The following SRBD1 variants were observed in gnomAD, a reference collection of about 807,000 sequenced individuals.
SRBD1 encodes the protein S1 RNA-binding domain-containing protein 1.
SRBD1 carries 88 observed loss-of-function variants against 115.3 expected under a neutral mutation model. That is an observed-to-expected ratio of 0.76 (90% CI 0.64 to 0.91). The LOEUF (loss-of-function observed/expected upper bound fraction) is 0.91, where lower values mean the gene tolerates loss of function less well. Ranked by LOEUF, SRBD1 falls within the 40% of genes least tolerant of loss-of-function variation. The probability of loss-of-function intolerance (pLI) is 0.00; values close to 1 mark genes in which losing one functional copy is unlikely to be tolerated. For missense variants in SRBD1, 1,385 were observed against 1,177.4 expected (o/e 1.18, Z -2.58); for synonymous variants, 509 against 407.7 (o/e 1.25, Z -2.99).
chr2:45,518,289 C>T (rs1292817788), intron 14 of SRBD1, among the ~76,000 whole-genome samples: 1 of 152,180 alleles, frequency 6.6e-6, no homozygotes, highest in East Asian at 1.9e-4. Flanking sequence ...ATATCTGGCT[C>T]TGCTGTGCGA....
At chr2:45,518,563 T>C (rs534587404) in intron 14 of SRBD1, among the ~76,000 whole-genome samples, 29 of 152,310 alleles carry the variant, frequency 1.9e-4, no homozygotes, top group Non-Finnish European at 1.5e-5. Flanking sequence ...CAGCACCTTG[T>C]TACATGGAAA....
intron 9 of SRBD1, chr2:45,568,074 G>A (rs568386848): frequency 6.6e-6 from 1 of 152,210 alleles, no homozygotes; most frequent in African/African-American, 2.4e-5. Flanking sequence ...ACATTGAACA[G>A]GAAATAGGTA....
chr2:45,410,657 A>G (rs1667574591), intron 19 of SRBD1, among the ~76,000 whole-genome samples: 1 of 152,166 alleles, frequency 6.6e-6, no homozygotes, highest in East Asian at 1.9e-4. Flanking sequence ...AGAAAAACCA[A>G]ACAAGTGACT....
intron 10 of SRBD1, among the ~76,000 whole-genome samples, chr2:45,560,590 T>A (rs546625018): frequency 5.3e-5 from 8 of 152,328 alleles, no homozygotes; most frequent in South Asian, 2.1e-4. Context: ...TTAAGTAGCA[T>A]GCCCATAGGT....
intron 14 of SRBD1, among the ~76,000 whole-genome samples, chr2:45,533,077 G>T (rs1230683165): frequency 6.6e-6 from 1 of 152,032 alleles, no homozygotes. Flanking sequence ...GGCCAAAGGT[G>T]AGGCAAAACA....
intron 16 of SRBD1, among the ~76,000 whole-genome samples, chr2:45,468,530 T>C (rs1381501066): frequency 1.3e-5 from 2 of 151,852 alleles, no homozygotes; most frequent in African/African-American, 4.8e-5. Flanking sequence ...TGGGACTACA[T>C]GTGTGCACCA....
In SRBD1 at chr2:45,585,714, T is replaced by A. The variant is rs1490622901; in HGVS notation, c.709A>T (p.Asn237Tyr). The stretch of plus-strand genomic sequence containing the variant: ...ATGAAGGGAATTGTGTTATCATCAT[T>A]AAAGAGACGAATGATGTTGGCACAA... Reference protein sequence around the residue: ...WVCANIIRLFNDDNTIPFIIR... With the variant: ...WVCANIIRLFYDDNTIPFIIR... The change falls in exon 5 of 21, where the codon AAT becomes TAT. Residue 237 changes from asparagine (N) to tyrosine (Y), a missense_variant. By Grantham distance (143) the Asn-to-Tyr change is moderately radical (BLOSUM62 -2). Transcript: ENST00000263736. The A allele has an allele frequency of 6.2e-7, 1 of 1,612,538 alleles. No individual in the cohort carries two copies. Among genetic ancestry groups the A allele is most frequent in the East Asian group, 2.2e-5 (1 of 44,778 alleles).
At chr2:45,539,617 T>C (rs968181497) in intron 14 of SRBD1, among the ~76,000 whole-genome samples, 1 of 152,190 alleles carries the variant, frequency 6.6e-6, no homozygotes, top group Non-Finnish European at 1.5e-5. Flanking sequence ...AAGCCATCTG[T>C]CTGGTCTGCA....
intron 14 of SRBD1, among the ~76,000 whole-genome samples, chr2:45,525,877 T>A (rs986828318): frequency 1.3e-5 from 2 of 152,034 alleles, no homozygotes; most frequent in African/African-American, 4.8e-5. Flanking sequence ...AAGTGCTCAA[T>A]ATCATTAGTC....
In SRBD1 at chr2:45,568,502, A is replaced by C. The variant is rs143994006; in HGVS notation, c.1305+4705T>G. ...CTCCGGCCTGTACATGATAAACTAAAAAGTTCGTAAAACAGCAGTGCTGTT... is the reference window on the plus strand; with the variant it reads ...CTCCGGCCTGTACATGATAAACTAACAAGTTCGTAAAACAGCAGTGCTGTT... On this transcript the variant is annotated intron_variant, in intron 9 of 20. Coordinates refer to ENST00000263736, the MANE Select transcript of SRBD1 (RefSeq NM_018079.5). 2.4e-3 allele frequency among the ~76,000 whole-genome samples: 370 copies of C among 152,278 alleles called. 2 individuals carry two copies. The highest frequency in any genetic ancestry group is 8.7e-3 in the African/African-American group (362 of 41,546).
In SRBD1 at chr2:45,573,344, T is replaced by C; in HGVS notation, c.1170-2A>G. On this transcript the variant is annotated splice_acceptor_variant, in intron 8 of 20. Transcript: ENST00000263736. LOFTEE classifies it high-confidence loss of function. ...ATACAAACATGTCTCTTCTGGCACC[T>C]GTTCAGATACACAAGTGTTCAAAAA... 1.9e-6 allele frequency: 3 copies of C among 1,606,466 alleles called. No homozygotes were observed. Among genetic ancestry groups the C allele is most frequent in the South Asian group, 1.1e-5 (1 of 89,374 alleles).
intron 16 of SRBD1, among the ~76,000 whole-genome samples, chr2:45,423,292 G>T: frequency 6.6e-6 from 1 of 152,162 alleles, no homozygotes; most frequent in Admixed American, 6.5e-5. Flanking sequence ...ATGCTCAAGT[G>T]ATAAATGCAT....
At position 45,479,977 on chromosome 2, in the gene SRBD1, T is replaced by G. The variant is rs191819735; in HGVS notation, c.1967-2902A>C. The stretch of plus-strand genomic sequence containing the variant: ...TTCTTAAGAATTATGCTAGATCTAC[T>G]CTGCTTGTGCTCTATCAATGAAACA... On this transcript the variant is annotated intron_variant, in intron 15 of 20. Transcript: ENST00000263736. 2.3e-3 allele frequency among the ~76,000 whole-genome samples: 353 copies of G among 152,264 alleles called. 2 individuals are homozygous for G. The highest frequency in any genetic ancestry group is 7.7e-3 in the African/African-American group (321 of 41,570).
At chr2:45,599,127 C>A (rs1382538132) in intron 4 of SRBD1, among the ~76,000 whole-genome samples, 2 of 152,160 alleles carry the variant, frequency 1.3e-5, no homozygotes, top group African/African-American at 4.8e-5. Context: ...AAAATACAGT[C>A]CAAGTTCAAA....
chr2:45,411,801 C>G (rs911339130), intron 19 of SRBD1, among the ~76,000 whole-genome samples: 10 of 152,130 alleles, frequency 6.6e-5, no homozygotes, highest in Admixed American at 3.9e-4. Flanking sequence ...CTGCAATCTT[C>G]TTTGGAATGC....
intron 9 of SRBD1, 33 bp from the exon 10 acceptor site, chr2:45,562,789 C>A: frequency 1.4e-6 from 2 of 1,448,702 alleles, no homozygotes; most frequent in South Asian, 1.2e-5. Context: ...GACTAATAAT[C>A]CACAAAATAT....
In SRBD1 at chr2:45,522,878, T is replaced by C. The variant is rs143450120; in HGVS notation, c.1874+23854A>G. Among the ~76,000 whole-genome samples, 450 of 152,296 alleles carry C rather than the reference T, an allele frequency of 3.0e-3. 5 individuals are homozygous for C. Among genetic ancestry groups the C allele is most frequent in the African/African-American group, 0.01 (419 of 41,574 alleles). On this transcript the variant is annotated intron_variant, in intron 14 of 20. Transcript: ENST00000263736. ...AATCAACTGTTTATGTTATCAATAA[T>C]GCTTCCAGTCAACAGTAAGCTATTA...
At chr2:45,403,880 CT>C (rs1479315684) in intron 19 of SRBD1, among the ~76,000 whole-genome samples, 2 of 152,216 alleles carry the variant, frequency 1.3e-5, no homozygotes, top group Non-Finnish European at 2.9e-5. Context: ...TCCCCATATT[CT>C]TTGTACTCTT....
intron 14 of SRBD1, among the ~76,000 whole-genome samples, chr2:45,539,318 T>C (rs1374286405): frequency 6.6e-6 from 1 of 152,002 alleles, no homozygotes; most frequent in Non-Finnish European, 1.5e-5. Context: ...CTGAACCAAG[T>C]GCATTTTATT....
Sources: allele counts gnomAD v4.1 joint callset (sites outside exome capture counted in the v4.1 genomes callset), GRCh38; gene constraint gnomAD v4.1.1; transcripts MANE v1.5; gene names NCBI Gene and HGNC (gene_info 2026-07-23, HGNC 2026-07-21).